The following ZNF248 variants were observed in gnomAD, a reference collection of about 807,000 sequenced individuals.
The protein encoded by ZNF248 is zinc finger protein 248, also known as KRAB protein domain.
Under a neutral mutation model 44.3 loss-of-function variants are expected in ZNF248, and 20 were observed. The observed-to-expected ratio is 0.45, with a 90% CI of 0.32 to 0.66. ZNF248 has a LOEUF of 0.66. ZNF248 is among the 30% of genes least tolerant of loss of function. ZNF248 has a pLI of 0.04. For missense variants in ZNF248, 654 were observed against 677.0 expected (o/e 0.97, Z 0.38); for synonymous variants, 224 against 229.0 (o/e 0.98, Z 0.20).
chr10:37,831,560 C>T lies in ZNF248; in HGVS notation c.*55G>A. 1.3e-6 allele frequency: 2 copies of T among 1,554,924 alleles called. No homozygotes were observed. The highest frequency in any genetic ancestry group is 1.7e-6 in the Non-Finnish European group (2 of 1,153,610). ...CTGACATTCTTTGGCTTTCTCTGAT[C>T]TCCTTTTTTGAAACTGTATAACCAA... On this transcript the variant is annotated 3_prime_UTR_variant, in exon 6 of 6. Transcript: ENST00000395867.
At chr10:37,825,036 T>C (rs554719512), downstream of ZNF248, among the ~76,000 whole-genome samples, 2 of 152,022 alleles carry the variant, frequency 1.3e-5, no homozygotes, top group African/African-American at 4.8e-5. Flanking sequence ...AAAAAAATAT[T>C]CCCATAGACA....
intron 3 of ZNF248, among the ~76,000 whole-genome samples, chr10:37,840,569 T>A (rs1447392098): frequency 1.3e-5 from 2 of 151,804 alleles, no homozygotes; most frequent in Non-Finnish European, 2.9e-5. Flanking sequence ...TTGGTGGGAG[T>A]GCAAAATGAT....
intron 6 of ZNF248, among the ~76,000 whole-genome samples, chr10:37,816,541 G>A (rs1287140397): frequency 6.6e-6 from 1 of 152,202 alleles, no homozygotes; most frequent in Admixed American, 6.5e-5. Context: ...CTGACACAAG[G>A]GGGGCCTATT....
chr10:37,774,587 A>G (rs888994601), downstream of ZNF248, among the ~76,000 whole-genome samples: 1 of 152,186 alleles, frequency 6.6e-6, no homozygotes, highest in African/African-American at 2.4e-5. Flanking sequence ...TACCACCTGG[A>G]TCAATTGAGC....
At chr10:37,770,962 G>T in the ZNF248 span, among the ~76,000 whole-genome samples, 2 of 152,126 alleles carry the variant, frequency 1.3e-5, no homozygotes, top group East Asian at 3.8e-4. Flanking sequence ...GTGGGTGAAG[G>T]ATATGAACAA....
chr10:37,852,764 C>T (rs2060528063), intron 3 of ZNF248, among the ~76,000 whole-genome samples: 1 of 150,768 alleles, frequency 6.6e-6, no homozygotes, highest in South Asian at 2.1e-4. Context: ...AAACAGTACA[C>T]ACATTTTGTG....
chr10:37,791,038 A>ATTTTTTTT (rs1554813574), intron 6 of ZNF248, among the ~76,000 whole-genome samples: 6 of 39,636 alleles, frequency 1.5e-4, no homozygotes, highest in Non-Finnish European at 1.5e-4. Flanking sequence ...ATACTTTGTT[A>ATTTTTTTT]TTTCTTTTTT....
At chr10:37,836,380 A>G (rs554311362) in intron 5 of ZNF248, among the ~76,000 whole-genome samples, 23 of 152,262 alleles carry the variant, frequency 1.5e-4, no homozygotes, top group Admixed American at 1.2e-3. Context: ...TTATGTATCT[A>G]CCATAGCTCA....
chr10:37,809,049 T>C (rs2051062995), intron 6 of ZNF248, among the ~76,000 whole-genome samples: 1 of 152,164 alleles, frequency 6.6e-6, no homozygotes, highest in Non-Finnish European at 1.5e-5. Flanking sequence ...TCTTGTATTT[T>C]ATTTCTGTAG....
intron 6 of ZNF248, among the ~76,000 whole-genome samples, chr10:37,822,013 A>T (rs1025878645): frequency 6.6e-6 from 1 of 152,182 alleles, no homozygotes; most frequent in Non-Finnish European, 1.5e-5. Flanking sequence ...GAGGCTGGAG[A>T]CAACATAAGC....
chr10:37,762,954 AT>A, the ZNF248 span, among the ~76,000 whole-genome samples: 1 of 152,198 alleles, frequency 6.6e-6, no homozygotes, highest in Admixed American at 6.5e-5. Context: ...TTTTAAAAAA[AT>A]GTGTGTCTAA....
chr10:37,796,394 T>C (rs1368894868), intron 6 of ZNF248, among the ~76,000 whole-genome samples: 1 of 151,840 alleles, frequency 6.6e-6, no homozygotes, highest in Non-Finnish European at 1.5e-5. Flanking sequence ...TTTTTTTGTA[T>C]TTTTATTAAA....
At chr10:37,847,825 C>G (rs914553024) in intron 3 of ZNF248, among the ~76,000 whole-genome samples, 1 of 152,138 alleles carries the variant, frequency 6.6e-6, no homozygotes, top group African/African-American at 2.4e-5. Context: ...ACTGGGGAAG[C>G]TGAGAATGGG....
the ZNF248 span, among the ~76,000 whole-genome samples, chr10:37,766,055 G>A: frequency 6.6e-6 from 1 of 152,276 alleles, no homozygotes; most frequent in Non-Finnish European, 1.5e-5. Context: ...CAGCAACGCT[G>A]CGGGAGGGGC....
downstream of ZNF248, among the ~76,000 whole-genome samples, chr10:37,823,819 C>G (rs779376148): frequency 1.1e-4 from 16 of 151,950 alleles, no homozygotes; most frequent in Admixed American, 6.6e-5. Context: ...GGTGATCCAC[C>G]CACCTCGGCC....
chr10:37,799,369 G>A (rs2049527793), intron 6 of ZNF248, among the ~76,000 whole-genome samples: 1 of 152,006 alleles, frequency 6.6e-6, no homozygotes. Context: ...GACCATCCTG[G>A]CCAACACAGT....
chr10:37,768,899 A>C, the ZNF248 span, among the ~76,000 whole-genome samples: 1 of 152,194 alleles, frequency 6.6e-6, no homozygotes. Context: ...AAGAAAAGAG[A>C]GAAGAATCAA....
At chr10:37,826,300 CATATAA>C (rs66580377), downstream of ZNF248, among the ~76,000 whole-genome samples, 4,171 of 152,246 alleles carry the variant, frequency 0.027, 137 homozygotes, top group African/African-American at 0.082. Context: ...CTAATTTTCT[CATATAA>C]ATAAGTGGAA....
the ZNF248 span, among the ~76,000 whole-genome samples, chr10:37,770,734 A>G: frequency 6.6e-6 from 1 of 152,236 alleles, no homozygotes; most frequent in Non-Finnish European, 1.5e-5. Flanking sequence ...TGTCTAAAAC[A>G]CCAAAAGCAA....
Sources: gnomAD v4.1 joint callset for allele counts (sites outside exome capture counted in the v4.1 genomes callset) on GRCh38, gnomAD v4.1.1 for gene constraint, MANE v1.5 for transcripts, NCBI Gene and HGNC (gene_info 2026-07-23, HGNC 2026-07-21) for gene names.